The following FABP3 variants were observed in gnomAD, a reference collection of about 807,000 sequenced individuals.
The protein encoded by FABP3 is fatty acid binding protein 3.
A neutral mutation model predicts 13.4 loss-of-function variants in FABP3; 8 were observed. The observed-to-expected ratio is 0.60, with a 90% confidence interval of 0.35 to 1.07. The LOEUF (loss-of-function observed/expected upper bound fraction) is 1.07, where lower values mean the gene tolerates loss of function less well. Among genes scored for constraint, FABP3 ranks in the 50% least tolerant of loss-of-function variants. The pLI, the probability that FABP3 is intolerant of heterozygous loss-of-function variation, is 0.02. For synonymous variants in FABP3, 64 were observed against 60.0 expected, an observed-to-expected ratio of 1.07 and a Z score of -0.31; for missense variants, 135 against 164.7, an observed-to-expected ratio of 0.82 and a Z score of 0.99.
chr1:31,372,382 CA>C (rs2148496891), intron 1 of FABP3, among the ~76,000 whole-genome samples: 2 of 152,262 alleles, frequency 1.3e-5, no homozygotes, highest in South Asian at 2.1e-4. Context: ...GGGCATTCTC[CA>C]GCAAGAATTC....
Position 31,365,841 on chromosome 1 carries a change from G to A in FABP3, c.*45C>T. On this transcript the variant is annotated 3_prime_UTR_variant, in exon 4 of 4. Transcript: ENST00000373713. ...TGAGGCAATGTGGTGCTGAGTCGAG[G>A]GGTAGCCGATTGGCAGAGTAGTAGT... The A allele has an allele frequency of 1.3e-6, 2 of 1,570,184 alleles. No individual in the cohort carries two copies. Among genetic ancestry groups the A allele is most frequent in the East Asian group, 4.5e-5 (2 of 44,646 alleles).
At chr1:31,370,080 G>C (rs1640179961) in intron 1 of FABP3, among the ~76,000 whole-genome samples, 1 of 133,768 alleles carries the variant, frequency 7.5e-6, no homozygotes, top group South Asian at 2.5e-4. Context: ...CTCCAGCCTA[G>C]CCAACAGAGT....
At chr1:31,361,602 AC>A (rs921609896), downstream of FABP3, among the ~76,000 whole-genome samples, 3 of 152,158 alleles carry the variant, frequency 2.0e-5, no homozygotes, top group Non-Finnish European at 4.4e-5. Flanking sequence ...GCCTCCTGTT[AC>A]CATACAGAAA....
At chr1:31,360,830 T>G (rs1175978287), downstream of FABP3, among the ~76,000 whole-genome samples, 2 of 152,210 alleles carry the variant, frequency 1.3e-5, no homozygotes, top group Non-Finnish European at 2.9e-5. Context: ...AGTTTTTCCA[T>G]CTGTAAAATG....
Position 31,369,455 on chromosome 1 carries a change from T to C in FABP3, c.176A>G (p.Lys59Arg). Residue 59 changes from lysine to arginine, a missense_variant, in exon 2 of 4, where the codon AAG becomes AGG. Lys to Arg is a conservative substitution (Grantham distance 26). Coordinates refer to ENST00000373713, the MANE Select transcript of FABP3 (RefSeq NM_004102.5). ...CAACTTAAAGCTGATCTCTGTGTTC[T>C]TGAAGGTGCTGTGTGTTTTTAGGGT... ...ILTLKTHSTFKNTEISFKLGV... is the reference protein window; with the variant it reads ...ILTLKTHSTFRNTEISFKLGV... 1.2e-6 allele frequency: 2 copies of C among 1,614,210 alleles called. No individual in the cohort carries two copies. Among genetic ancestry groups the C allele is most frequent in the Non-Finnish European group, 1.7e-6 (2 of 1,180,040 alleles).
chr1:31,363,996 C>T, downstream of FABP3: 1 of 1,606,208 alleles, frequency 6.2e-7, no homozygotes, highest in Non-Finnish European at 8.5e-7. Flanking sequence ...AGCAAATATA[C>T]ACATACAGTG....
At chr1:31,360,919 A>T (rs1035671520), downstream of FABP3, among the ~76,000 whole-genome samples, 10 of 152,136 alleles carry the variant, frequency 6.6e-5, no homozygotes, top group Admixed American at 5.9e-4. Context: ...AAACTAAAGC[A>T]CTGTTTAGGT....
chr1:31,364,337 C>G, downstream of FABP3: 1 of 1,402,142 alleles, frequency 7.1e-7, no homozygotes, highest in Non-Finnish European at 9.4e-7. Context: ...CCTCATGCAA[C>G]AGGCAGGTTT....
chr1:31,367,398 T>C lies in FABP3; in HGVS notation c.343A>G (p.Ile115Val). Residue 115 changes from isoleucine (I) to valine (V), a missense_variant, in exon 3 of 4, where the codon ATC becomes GTC. Physicochemically the swap from Ile to Val is conservative, Grantham distance 29 (BLOSUM62 3). Coordinates refer to ENST00000373713, the MANE Select transcript of FABP3 (RefSeq NM_004102.5). The stretch of plus-strand genomic sequence containing the variant: ...TCCAAAGTTGCCCATCTTACCAGGA[T>C]GAGTTTTCCATCAATTAGCTCCCGC... The part of the protein sequence containing the change: ...LVRELIDGKL[I>V]LTLTHGTAVC... 6.2e-7 allele frequency: 1 copy of C among 1,612,786 alleles called. No individual in the cohort carries two copies. Among genetic ancestry groups the C allele is most frequent in the Non-Finnish European group, 8.5e-7 (1 of 1,178,746 alleles).
rs1157798933 is a variant in FABP3 at position 31,365,531 on chromosome 1, T to C, written c.*355A>G. On this transcript the variant is annotated 3_prime_UTR_variant, in exon 4 of 4. Coordinates refer to ENST00000373713, the MANE Select transcript of FABP3 (RefSeq NM_004102.5). ...ATTAACAGGCTCCGAGACTGTCCATTTCAGTCTCCCATCCAGTGCTTCTTC... is the reference window on the plus strand; with the variant it reads ...ATTAACAGGCTCCGAGACTGTCCATCTCAGTCTCCCATCCAGTGCTTCTTC... 1 of 263,594 alleles carries C rather than the reference T, an allele frequency of 3.8e-6. No homozygotes were observed. The highest frequency in any genetic ancestry group is 7.4e-6 in the Non-Finnish European group (1 of 134,492). 16.3% of individuals were successfully genotyped at this position (263,594 alleles called of 1,614,324 possible).
exon 1 of FABP3, chr1:31,373,075 GCGGCTCCCTGCC>G: frequency 6.6e-7 from 1 of 1,510,970 alleles, no homozygotes; most frequent in East Asian, 2.3e-5. Context: ...GGCTCCGACG[GCGGCTCCCTGCC>G]CGGGCTGCCG....
chr1:31,366,058 ATGTATGTGTGTGTGTG>A, intron 3 of FABP3, 119 bp from the exon 4 acceptor site: 2 of 704,174 alleles, frequency 2.8e-6, no homozygotes, highest in African/African-American at 2.5e-5. Flanking sequence ...GGCTATATGT[ATGTATGTGTGTGTGTG>A]TGTGTGTGTG....
At chr1:31,370,427 G>A (rs915853729) in intron 1 of FABP3, among the ~76,000 whole-genome samples, 4 of 152,228 alleles carry the variant, frequency 2.6e-5, no homozygotes, top group Non-Finnish European at 4.4e-5. Context: ...CAAAGCCTTA[G>A]GCATAGGAGT....
intron 2 of FABP3, among the ~76,000 whole-genome samples, chr1:31,367,845 G>T (rs1273086503): frequency 6.6e-6 from 1 of 152,220 alleles, no homozygotes; most frequent in Non-Finnish European, 1.5e-5. Context: ...GGTCCCCTCA[G>T]ATACAGGTGG....
chr1:31,370,239 CCAGGGT>C (rs1380420695), intron 1 of FABP3, among the ~76,000 whole-genome samples: 1 of 152,136 alleles, frequency 6.6e-6, no homozygotes, highest in Non-Finnish European at 1.5e-5. Flanking sequence ...GAGGTAAAGC[CCAGGGT>C]CACAAATCTG....
At chr1:31,369,051 A>C in intron 2 of FABP3, 1 of 236,764 alleles carries the variant, frequency 4.2e-6, no homozygotes. Flanking sequence ...GGGGAAAGAA[A>C]CCTAGAGCTA....
chr1:31,368,625 G>C (rs1640151512), intron 2 of FABP3, among the ~76,000 whole-genome samples: 1 of 152,148 alleles, frequency 6.6e-6, no homozygotes, highest in African/African-American at 2.4e-5. Context: ...ACTGCTATAG[G>C]GACACCCTAT....
In FABP3 at chr1:31,365,741, C is replaced by T; in HGVS notation, c.*145G>A. On this transcript the variant is annotated 3_prime_UTR_variant, in exon 4 of 4. Coordinates refer to ENST00000373713, the MANE Select transcript of FABP3 (RefSeq NM_004102.5). ...AAAAAAACCACATACACCATGGGAA[C>T]TGGAACTGGATCCCGGTCAGTGGCA... The T allele has an allele frequency of 1.5e-6, 1 of 667,218 alleles. No homozygotes were observed. The highest frequency in any genetic ancestry group is 2.7e-6 in the Non-Finnish European group (1 of 377,064). The allele number at this position is 667,218 out of a possible 1,614,324, so 41.3% of individuals were successfully genotyped here.
Position 31,365,785 on chromosome 1 carries a change from C to T in FABP3, c.*101G>A, listed in dbSNP as rs1013462709. ...AGTGGCACCTGACCCCAGAAGAATT[C>T]GTGGATTTGTACAAAATGCAGAGGA... On this transcript the variant is annotated 3_prime_UTR_variant, in exon 4 of 4. Coordinates refer to ENST00000373713, the MANE Select transcript of FABP3 (RefSeq NM_004102.5). The T allele has an allele frequency of 6.4e-6, 7 of 1,087,688 alleles. No individual in the cohort carries two copies. The highest frequency in any genetic ancestry group is 2.6e-5 in the South Asian group (2 of 76,828). The allele number at this position is 1,087,688 out of a possible 1,614,324, so 67.4% of individuals were successfully genotyped here.
Sources: allele counts gnomAD v4.1 joint callset (sites outside exome capture counted in the v4.1 genomes callset), GRCh38; gene constraint gnomAD v4.1.1; transcripts MANE v1.5; gene names NCBI Gene and HGNC (gene_info 2026-07-23, HGNC 2026-07-21).